Variants in KIF16B observed in about 807,000 individuals in gnomAD.
The protein encoded by KIF16B is kinesin family member 16B.
In KIF16B, 98 loss-of-function variants were observed where a neutral mutation model predicts 156.3. That is an observed-to-expected ratio of 0.63 (90% confidence interval 0.53 to 0.74). The LOEUF (loss-of-function observed/expected upper bound fraction) is 0.74. KIF16B is among the 30% of genes least tolerant of loss of function. KIF16B has a pLI of 0.00. For missense variants in KIF16B, 1,421 were observed against 1,606.5 expected, an observed-to-expected ratio of 0.88 and a Z score of 1.97; for synonymous variants, 564 against 583.7, an observed-to-expected ratio of 0.97 and a Z score of 0.49.
At chr20:16,416,653 G>A (rs2066095404) in intron 15 of KIF16B, among the ~76,000 whole-genome samples, 1 of 151,680 alleles carries the variant, frequency 6.6e-6, no homozygotes, top group African/African-American at 2.4e-5. Flanking sequence ...GTTGATAGGT[G>A]CAGCAAACCA....
At chr20:16,475,832 G>A (rs889199371) in intron 12 of KIF16B, among the ~76,000 whole-genome samples, 5 of 152,184 alleles carry the variant, frequency 3.3e-5, no homozygotes, top group African/African-American at 1.2e-4. Flanking sequence ...CCTTTTAGCT[G>A]TAAGATATTA....
At chr20:16,367,311 G>A (rs2064691870) in intron 22 of KIF16B, 1 of 1,612,710 alleles carries the variant, frequency 6.2e-7, no homozygotes, top group Admixed American at 1.7e-5. Flanking sequence ...GACTATTTCT[G>A]GAACCCACTG....
chr20:16,396,745 C>T (rs1409695632), intron 17 of KIF16B, among the ~76,000 whole-genome samples: 2 of 151,524 alleles, frequency 1.3e-5, no homozygotes, highest in Non-Finnish European at 2.9e-5. Context: ...GTCTTCTTCC[C>T]CGATTGTCGG....
chr20:16,526,168 C>G lies in KIF16B; in HGVS notation c.155G>C (p.Arg52Pro), dbSNP rs1311392380. ...EGGTGDSGRE[R>P]TKTFTYDFSF... ...AAAGTCATAGGTGAAGGTCTTGGTC[C>G]GTTCTCTTCCTGAGTCCCCAGTGCC... The change falls in exon 3 of 26, where the codon CGG (arginine) becomes CCG (proline). Residue 52 changes from arginine (R) to proline (P), a missense_variant. Transcript: ENST00000354981. 1.2e-6 allele frequency: 2 copies of G among 1,606,004 alleles called. No homozygotes were observed. Among genetic ancestry groups the G allele is most frequent in the South Asian group, 1.1e-5 (1 of 88,896 alleles).
chr20:16,315,958 A>G (rs1020020750), intron 24 of KIF16B, among the ~76,000 whole-genome samples: 1 of 152,228 alleles, frequency 6.6e-6, no homozygotes, highest in Non-Finnish European at 1.5e-5. Context: ...ACATGCCCCC[A>G]TTAATATAAT....
At chr20:16,417,161 A>C (rs928353587) in intron 15 of KIF16B, among the ~76,000 whole-genome samples, 4 of 152,152 alleles carry the variant, frequency 2.6e-5, no homozygotes, top group Non-Finnish European at 5.9e-5. Flanking sequence ...TGAAGAGGGA[A>C]ATATGCAGGA....
At chr20:16,370,689 C>T (rs894568194) in intron 21 of KIF16B, 53 bp from the exon 22 acceptor site, 19 of 1,317,444 alleles carry the variant, frequency 1.4e-5, no homozygotes, top group Admixed American at 1.4e-4. Context: ...GTTCACGGGG[C>T]GGGGGACTGA....
At chr20:16,469,554 C>A (rs2067598802) in intron 12 of KIF16B, among the ~76,000 whole-genome samples, 1 of 145,980 alleles carries the variant, frequency 6.9e-6, no homozygotes, top group African/African-American at 2.5e-5. Flanking sequence ...TAAACTTCCA[C>A]CTTAACTAAA....
chr20:16,475,223 T>C (rs1392996803), intron 12 of KIF16B, among the ~76,000 whole-genome samples: 1 of 152,198 alleles, frequency 6.6e-6, no homozygotes, highest in Non-Finnish European at 1.5e-5. Flanking sequence ...ATAAGAGTAT[T>C]TAGTGTGCCA....
At chr20:16,370,189 G>A (rs1474853909) in intron 22 of KIF16B, among the ~76,000 whole-genome samples, 1 of 152,132 alleles carries the variant, frequency 6.6e-6, no homozygotes, top group East Asian at 1.9e-4. Context: ...AGAGAAACAA[G>A]TTAATCAATC....
intron 23 of KIF16B, among the ~76,000 whole-genome samples, chr20:16,349,136 G>A (rs138162563): frequency 6.6e-6 from 1 of 152,292 alleles, no homozygotes; most frequent in Non-Finnish European, 1.5e-5. Flanking sequence ...GTCTGCCATG[G>A]CCCCTCGTCT....
chr20:16,415,906 T>C (rs1032641137), intron 15 of KIF16B, among the ~76,000 whole-genome samples: 2 of 152,146 alleles, frequency 1.3e-5, no homozygotes, highest in Non-Finnish European at 1.5e-5. Context: ...AAAATGCATG[T>C]AGTAGTTATT....
At chr20:16,374,739 G>C (rs2064905104) in intron 19 of KIF16B, among the ~76,000 whole-genome samples, 1 of 152,172 alleles carries the variant, frequency 6.6e-6, no homozygotes, top group African/African-American at 2.4e-5. Context: ...GCTTCAAAAA[G>C]AGTTGGTTGT....
Position 16,276,249 on chromosome 20 carries a change from A to C in KIF16B, c.3796-2838T>G, listed in dbSNP as rs1258673552. On this transcript the variant is annotated intron_variant, in intron 25 of 25. Coordinates refer to ENST00000354981, the MANE Select transcript of KIF16B (RefSeq NM_024704.5). ...GTAGGGTCCCTATAAAGGGCCAATA[A>C]AGCCTAAAGGGTATAATAAGAAGAG... is the stretch of plus-strand genomic sequence containing the variant. 3.3e-5 allele frequency among the ~76,000 whole-genome samples: 5 copies of C among 152,374 alleles called. No homozygotes were observed. In the East Asian group the frequency reaches 9.6e-4, roughly 29 times the overall value.
chr20:16,509,869 C>G (rs1001048382), intron 6 of KIF16B, among the ~76,000 whole-genome samples: 1 of 152,032 alleles, frequency 6.6e-6, no homozygotes, highest in African/African-American at 2.4e-5. Flanking sequence ...TTTATAGTTT[C>G]TGAGTTTTAA....
At chr20:16,540,050 GAAAAT>G (rs2070133810) in intron 1 of KIF16B, among the ~76,000 whole-genome samples, 1 of 152,146 alleles carries the variant, frequency 6.6e-6, no homozygotes, top group African/African-American at 2.4e-5. Context: ...TAGCAAAAAT[GAAAAT>G]AAAAACTATA....
intron 25 of KIF16B, among the ~76,000 whole-genome samples, chr20:16,310,728 A>T (rs1008772237): frequency 6.6e-6 from 1 of 152,014 alleles, no homozygotes; most frequent in African/African-American, 2.4e-5. Flanking sequence ...GGTCAAGCAG[A>T]CTCACCGCAA....
intron 12 of KIF16B, among the ~76,000 whole-genome samples, chr20:16,433,147 A>T (rs887037613): frequency 2.6e-5 from 4 of 152,156 alleles, no homozygotes; most frequent in African/African-American, 9.7e-5. Flanking sequence ...ACAGGGGAGA[A>T]TTTAATCACA....
At chr20:16,335,791 G>GT in intron 24 of KIF16B, 135 bp downstream of exon 24, 2 of 519,612 alleles carry the variant, frequency 3.8e-6, no homozygotes, top group South Asian at 7.4e-5. Flanking sequence ...GGTTATTGAA[G>GT]TAAGACTTAG....
Sources: gnomAD v4.1 joint callset for allele counts (sites outside exome capture counted in the v4.1 genomes callset) on GRCh38, gnomAD v4.1.1 for gene constraint, MANE v1.5 for transcripts, NCBI Gene and HGNC (gene_info 2026-07-23, HGNC 2026-07-21) for gene names.